The following GFOD2 variants were observed in gnomAD, a reference collection of about 807,000 sequenced individuals.
GFOD2 encodes the protein Gfo/Idh/MocA-like oxidoreductase domain containing 2.
In GFOD2, 9 loss-of-function variants were observed where a neutral mutation model predicts 24.6. The observed-to-expected ratio is 0.37, with a 90% CI of 0.22 to 0.64. The LOEUF (loss-of-function observed/expected upper bound fraction) is 0.64, where lower values mean the gene tolerates loss of function less well. Ranked by LOEUF, GFOD2 falls within the 30% of genes least tolerant of loss-of-function variation. The probability of loss-of-function intolerance (pLI) is 0.65; values close to 1 mark genes in which losing one functional copy is unlikely to be tolerated. For synonymous variants in GFOD2, 211 were observed against 224.8 expected (o/e 0.94, Z 0.55); for missense variants, 476 against 532.5 (o/e 0.89, Z 1.04).
At chr16:67,718,028 C>T (rs1427484878) in intron 1 of GFOD2, among the ~76,000 whole-genome samples, 1 of 152,182 alleles carries the variant, frequency 6.6e-6, no homozygotes, top group African/African-American at 2.4e-5. Context: ...AATGGATGGC[C>T]TTAAAACTCT....
At chr16:67,714,199 G>C (rs1055029571) in intron 1 of GFOD2, among the ~76,000 whole-genome samples, 45 of 148,546 alleles carry the variant, frequency 3.0e-4, no homozygotes, top group Admixed American at 2.8e-3. Flanking sequence ...TGGTCCAGAG[G>C]CCAGGCAGGG....
chr16:67,710,418 G>A (rs1413956871), intron 1 of GFOD2, among the ~76,000 whole-genome samples: 1 of 152,064 alleles, frequency 6.6e-6, no homozygotes, highest in African/African-American at 2.4e-5. Context: ...GTGGAGAAGT[G>A]CAGTGGTGCG....
At chr16:67,706,762 G>C (rs1437821951) in intron 1 of GFOD2, among the ~76,000 whole-genome samples, 1 of 152,080 alleles carries the variant, frequency 6.6e-6, no homozygotes, top group Non-Finnish European at 1.5e-5. Context: ...GCAAGCCACA[G>C]GTTGGGAAAA....
intron 2 of GFOD2, among the ~76,000 whole-genome samples, chr16:67,678,787 T>C (rs908226906): frequency 6.6e-6 from 1 of 152,218 alleles, no homozygotes; most frequent in Non-Finnish European, 1.5e-5. Flanking sequence ...AGTACAGCTC[T>C]GTCAACAGTA....
chr16:67,700,583 G>A (rs1279462416), intron 1 of GFOD2, among the ~76,000 whole-genome samples: 2 of 149,474 alleles, frequency 1.3e-5, no homozygotes, highest in South Asian at 2.1e-4. Context: ...ATGGTGGCGG[G>A]TGCCTGTAAT....
chr16:67,690,973 A>C (rs531317368), intron 1 of GFOD2, among the ~76,000 whole-genome samples: 1 of 151,480 alleles, frequency 6.6e-6, no homozygotes, highest in Non-Finnish European at 1.5e-5. Context: ...ACCGATTCTC[A>C]TGCCTTAGCC....
At chr16:67,700,059 G>A (rs1235124814) in intron 1 of GFOD2, among the ~76,000 whole-genome samples, 1 of 150,002 alleles carries the variant, frequency 6.7e-6, no homozygotes, top group Admixed American at 6.6e-5. Flanking sequence ...TGGGCAACAA[G>A]AGCATGACCC....
intron 1 of GFOD2, among the ~76,000 whole-genome samples, chr16:67,695,345 T>C (rs954719422): frequency 1.3e-5 from 2 of 152,074 alleles, no homozygotes; most frequent in African/African-American, 4.8e-5. Context: ...CAGGCTTCTC[T>C]ACTAGTTTTC....
intron 1 of GFOD2, among the ~76,000 whole-genome samples, chr16:67,689,235 C>T (rs556566974): frequency 8.0e-5 from 12 of 150,244 alleles, no homozygotes; most frequent in East Asian, 2.0e-4. Context: ...GATGAGGTTT[C>T]GCCATGTTGA....
chr16:67,685,611 C>T lies in GFOD2; in HGVS notation c.105G>A (p.Gly35=). Residue 35 remains glycine (G), a synonymous_variant, in exon 2 of 3, where the codon GGG becomes GGA. Transcript: ENST00000268797. ...GCTGCTTCGCCTCCTCCTCAGTCTT[C>T]CCCCACAGGGCCTCAACAGTGAACC... ...AEGFTVEALW[G]KTEEEAKQLA... is the part of the protein sequence containing the mutation. 1 of 1,614,174 alleles carries T rather than the reference C, an allele frequency of 6.2e-7. No individual in the cohort carries two copies. Among genetic ancestry groups the T allele is most frequent in the Non-Finnish European group, 8.5e-7 (1 of 1,180,038 alleles).
At chr16:67,681,693 G>A (rs1371652807) in intron 2 of GFOD2, 4 of 983,368 alleles carry the variant, frequency 4.1e-6, no homozygotes, top group Non-Finnish European at 4.8e-6. Context: ...AGAGGTGTGA[G>A]GCACTGAGCC....
intron 1 of GFOD2, among the ~76,000 whole-genome samples, chr16:67,689,884 T>G (rs1022060852): frequency 5.3e-5 from 8 of 152,184 alleles, no homozygotes; most frequent in African/African-American, 1.9e-4. Flanking sequence ...CTACTTTGTC[T>G]CTATGAATTT....
intron 1 of GFOD2, among the ~76,000 whole-genome samples, chr16:67,709,768 CCA>C (rs1257123776): frequency 6.6e-6 from 1 of 152,040 alleles, no homozygotes; most frequent in African/African-American, 2.4e-5. Context: ...GCACATGCCA[CCA>C]CACCCAGCTA....
At chr16:67,684,782 G>A in intron 2 of GFOD2, 1 of 984,292 alleles carries the variant, frequency 1.0e-6, no homozygotes, top group Non-Finnish European at 1.2e-6. Context: ...ATAAAGAGAA[G>A]AAGTTGACTC....
chr16:67,713,548 A>G (rs2053489961), intron 1 of GFOD2, among the ~76,000 whole-genome samples: 1 of 152,206 alleles, frequency 6.6e-6, no homozygotes, highest in Admixed American at 6.5e-5. Context: ...TGGAGATCCT[A>G]TGACTCCCTC....
At chr16:67,697,364 T>A (rs1420416745) in intron 1 of GFOD2, among the ~76,000 whole-genome samples, 1 of 152,358 alleles carries the variant, frequency 6.6e-6, no homozygotes, top group South Asian at 2.1e-4. Flanking sequence ...AAAAAAGATA[T>A]CTGTTAACTA....
At chr16:67,681,494 C>T (rs982283179) in intron 2 of GFOD2, 76 of 809,970 alleles carry the variant, frequency 9.4e-5, no homozygotes, top group Admixed American at 1.2e-4. Flanking sequence ...TTGCAACCTC[C>T]GCTTCCTGGG....
At chr16:67,679,977 C>G (rs1387856465) in intron 2 of GFOD2, among the ~76,000 whole-genome samples, 1 of 152,104 alleles carries the variant, frequency 6.6e-6, no homozygotes, top group African/African-American at 2.4e-5. Context: ...TGGTTCACTG[C>G]AGTCTTGGTC....
At chr16:67,709,350 G>A (rs2053458088) in intron 1 of GFOD2, among the ~76,000 whole-genome samples, 1 of 151,924 alleles carries the variant, frequency 6.6e-6, no homozygotes, top group African/African-American at 2.4e-5. Flanking sequence ...CTGATTAGGT[G>A]TTTTAGGTGC....
Sources: allele counts gnomAD v4.1 joint callset (sites outside exome capture counted in the v4.1 genomes callset), GRCh38; gene constraint gnomAD v4.1.1; transcripts MANE v1.5; gene names NCBI Gene and HGNC (gene_info 2026-07-23, HGNC 2026-07-21).